AKAP12: variants seen among roughly 807,000 people sequenced by gnomAD.
AKAP12 encodes A-kinase anchoring protein 12, also known as A-kinase anchor protein 12.
In AKAP12, 32 loss-of-function variants were observed where a neutral mutation model predicts 79.9. That is an observed-to-expected ratio of 0.40 (90% CI 0.30 to 0.54). The LOEUF (loss-of-function observed/expected upper bound fraction) is 0.54. Among genes scored for constraint, AKAP12 ranks in the 20% least tolerant of loss-of-function variants. AKAP12 has a pLI of 0.48. For missense variants in AKAP12, 2,074 were observed against 2,177.0 expected, an observed-to-expected ratio of 0.95 and a Z score of 0.94; for synonymous variants, 808 against 857.0, an observed-to-expected ratio of 0.94 and a Z score of 1.00.
intron 3 of AKAP12, among the ~76,000 whole-genome samples, chr6:151,327,894 G>A (rs1449916921): frequency 1.3e-5 from 2 of 152,166 alleles, no homozygotes; most frequent in African/African-American, 2.4e-5. Context: ...GAAATCTTAC[G>A]TAGTGGAAAA....
chr6:151,303,930 G>A (rs562013907), intron 2 of AKAP12, among the ~76,000 whole-genome samples: 5 of 152,290 alleles, frequency 3.3e-5, no homozygotes, highest in Admixed American at 1.3e-4. Context: ...TTGGTGGCAA[G>A]AGTTGGCTTC....
intron 2 of AKAP12, among the ~76,000 whole-genome samples, chr6:151,275,876 G>A (rs1776283725): frequency 6.6e-6 from 1 of 152,188 alleles, no homozygotes; most frequent in South Asian, 2.1e-4. Flanking sequence ...GTTTTATGCT[G>A]ATGAAATCAA....
chr6:151,312,956 T>C (rs1777151105), intron 3 of AKAP12, among the ~76,000 whole-genome samples: 1 of 152,256 alleles, frequency 6.6e-6, no homozygotes, highest in South Asian at 2.1e-4. Flanking sequence ...TCAGCAAATA[T>C]ATGAATAAAT....
intron 2 of AKAP12, among the ~76,000 whole-genome samples, chr6:151,257,798 T>C (rs1797330798): frequency 6.6e-6 from 1 of 152,236 alleles, no homozygotes; most frequent in African/African-American, 2.4e-5. Context: ...TTTCATATTT[T>C]TAATCTCCTT....
At chr6:151,264,620 A>G (rs1427559562) in intron 2 of AKAP12, among the ~76,000 whole-genome samples, 3 of 151,460 alleles carry the variant, frequency 2.0e-5, no homozygotes, top group Non-Finnish European at 4.4e-5. Context: ...GCAGTGAGCC[A>G]AGATCGTATC....
At position 151,349,467 on chromosome 6, in the gene AKAP12, A is replaced by G. The variant is rs1232417202; in HGVS notation, c.1076A>G (p.Gln359Arg). The change falls in exon 4 of 5, where the codon CAG (glutamine) becomes CGG (arginine). Residue 359 changes from glutamine (Q) to arginine (R), a missense_variant. This residue lies in a region of AKAP12 where 1,428 missense variants were observed against 1,451.0 expected (regional missense o/e 0.98). Coordinates refer to ENST00000402676, the MANE Select transcript of AKAP12 (RefSeq NM_005100.4). ...ACCGCCTCCGAGCAAGCCCACCCAC[A>G]GGAGCCGGCAGAAAGTGCCCACGAG... ...KLTASEQAHP[Q>R]EPAESAHEPR... 12 of 1,606,148 alleles carry G rather than the reference A, an allele frequency of 7.5e-6. No homozygotes were observed. The highest frequency in any genetic ancestry group is 1.8e-5 in the Admixed American group (1 of 57,036).
At chr6:151,278,584 G>A (rs1176509533) in intron 2 of AKAP12, among the ~76,000 whole-genome samples, 1 of 152,098 alleles carries the variant, frequency 6.6e-6, no homozygotes, top group African/African-American at 2.4e-5. Flanking sequence ...TTTCTGGGAA[G>A]TTCTGTTCTT....
At chr6:151,283,177 T>C (rs1436503511) in intron 2 of AKAP12, among the ~76,000 whole-genome samples, 1 of 152,074 alleles carries the variant, frequency 6.6e-6, no homozygotes, top group Non-Finnish European at 1.5e-5. Flanking sequence ...AGCGTTAAGG[T>C]AGAACTAAAC....
chr6:151,297,314 C>T (rs548395912), intron 2 of AKAP12, among the ~76,000 whole-genome samples: 8 of 152,028 alleles, frequency 5.3e-5, no homozygotes, highest in Admixed American at 1.3e-4. Flanking sequence ...CAGTGGCTCA[C>T]ACCTGTAATC....
intron 2 of AKAP12, among the ~76,000 whole-genome samples, chr6:151,288,458 G>A (rs887228410): frequency 3.3e-5 from 5 of 152,182 alleles, no homozygotes; most frequent in Non-Finnish European, 7.3e-5. Flanking sequence ...GCTACAGTGA[G>A]CTGAGATCGC....
chr6:151,243,546 A>G (rs1369564551), intron 2 of AKAP12, among the ~76,000 whole-genome samples: 1 of 152,244 alleles, frequency 6.6e-6, no homozygotes, highest in African/African-American at 2.4e-5. Context: ...TAGATGCACT[A>G]AAGCAGAAGT....
In AKAP12 at chr6:151,331,024, T is replaced by G. The variant is rs368997237; in HGVS notation, c.320-17687T>G. Among the ~76,000 whole-genome samples the G allele has an allele frequency of 7.2e-5, 11 of 152,172 alleles. No homozygotes were observed. In the East Asian group the frequency reaches 1.5e-3, roughly 21 times the overall value. ...ACACGTTATAGACCTGGAGACTGAT[T>G]TTATAAATCGGGATTCACAGAACAT... On this transcript the variant is annotated intron_variant, in intron 3 of 4. Coordinates refer to ENST00000402676, the MANE Select transcript of AKAP12 (RefSeq NM_005100.4).
At chr6:151,318,818 C>T (rs1173586203) in intron 3 of AKAP12, among the ~76,000 whole-genome samples, 1 of 152,130 alleles carries the variant, frequency 6.6e-6, no homozygotes, top group East Asian at 1.9e-4. Context: ...TGTTGCATGC[C>T]TGTAGTTCCA....
chr6:151,294,549 A>G (rs150406242), intron 2 of AKAP12, among the ~76,000 whole-genome samples: 12 of 152,312 alleles, frequency 7.9e-5, no homozygotes, highest in African/African-American at 2.9e-4. Context: ...GTTTGCCAAC[A>G]TTACAAGGTA....
intron 2 of AKAP12, among the ~76,000 whole-genome samples, chr6:151,284,939 G>C (rs1012908113): frequency 6.6e-6 from 1 of 152,172 alleles, no homozygotes; most frequent in Non-Finnish European, 1.5e-5. Context: ...TTTGCAAAAT[G>C]ATGAACATTC....
chr6:151,285,414 G>A (rs1776485080), intron 2 of AKAP12, among the ~76,000 whole-genome samples: 1 of 150,840 alleles, frequency 6.6e-6, no homozygotes, highest in Non-Finnish European at 1.5e-5. Context: ...GTGTGTGTGT[G>A]TGTGTATCTA....
At chr6:151,292,073 A>G (rs767745761) in intron 2 of AKAP12, among the ~76,000 whole-genome samples, 3 of 152,244 alleles carry the variant, frequency 2.0e-5, no homozygotes, top group African/African-American at 4.8e-5. Context: ...CAGCAAACAC[A>G]GGACAGTTGT....
At chr6:151,325,112 A>C (rs1777490338) in intron 3 of AKAP12, 1 of 985,282 alleles carries the variant, frequency 1.0e-6, no homozygotes, top group Non-Finnish European at 1.2e-6. Flanking sequence ...GCCCTTCTCA[A>C]AGAGTTTAGG....
At chr6:151,247,543 A>G (rs184419905) in intron 2 of AKAP12, among the ~76,000 whole-genome samples, 265 of 152,366 alleles carry the variant, frequency 1.7e-3, no homozygotes, top group African/African-American at 6.3e-3. Context: ...TCCTTTCCAA[A>G]TTAATGAACC....
Sources: gnomAD v4.1 joint callset for allele counts (sites outside exome capture counted in the v4.1 genomes callset) on GRCh38, gnomAD v4.1.1 for gene constraint, gnomAD v4.1.1 regional missense constraint, MANE v1.5 for transcripts, NCBI Gene and HGNC (gene_info 2026-07-23, HGNC 2026-07-21) for gene names.